FAM83A: variants seen among roughly 807,000 people sequenced by gnomAD.
FAM83A encodes scaffolding CK1 anchoring protein A.
In FAM83A, 21 loss-of-function variants were observed where a neutral mutation model predicts 24.4. The observed-to-expected ratio is 0.86, with a 90% CI of 0.61 to 1.24. The LOEUF (loss-of-function observed/expected upper bound fraction) is 1.24, where lower values mean the gene tolerates loss of function less well. Ranked by LOEUF, FAM83A falls within the 50% of genes most tolerant of loss-of-function variation. The probability of loss-of-function intolerance (pLI) is 0.00; values close to 1 mark genes in which losing one functional copy is unlikely to be tolerated. For synonymous variants in FAM83A, 270 were observed against 252.4 expected, an observed-to-expected ratio of 1.07 and a Z score of -0.66; for missense variants, 617 against 579.8, an observed-to-expected ratio of 1.06 and a Z score of -0.66.
chr8:123,208,657 G>A, exon 4 of FAM83A: 1 of 985,508 alleles, frequency 1.0e-6, no homozygotes, highest in African/African-American at 1.7e-5. Flanking sequence ...TAGGTCCTGA[G>A]GGCACAGCCT....
rs78820205 is a variant in FAM83A at position 123,192,288 on chromosome 8, G to T, written c.648+318G>T. 7.7e-4 allele frequency among the ~76,000 whole-genome samples: 117 copies of T among 152,218 alleles called. No homozygotes were observed. The East Asian group carries it at 0.02, about 27-fold the overall frequency. Reference sequence around the variant, plus strand: ...ACTCATTGACCTTACCCAGATGCACGGATGCTGGGAAATGTAAAGGGTCAT... The same window carrying T: ...ACTCATTGACCTTACCCAGATGCACTGATGCTGGGAAATGTAAAGGGTCAT... On this transcript the variant is annotated intron_variant, in intron 2 of 3. Coordinates refer to ENST00000690554, the Ensembl canonical transcript of FAM83A.
At chr8:123,207,288 C>A (rs1340489465) in exon 4 of FAM83A, 2 of 1,612,312 alleles carry the variant, frequency 1.2e-6, no homozygotes, top group African/African-American at 1.3e-5. Context: ...CTGAAGTCCC[C>A]GCGGCTGGTC....
intron 3 of FAM83A, among the ~76,000 whole-genome samples, chr8:123,194,572 C>T (rs1269179345): frequency 6.6e-6 from 1 of 151,914 alleles, no homozygotes; most frequent in Non-Finnish European, 1.5e-5. Flanking sequence ...CAACCTCCGC[C>T]TCCAGGATTC....
chr8:123,207,095 CCACTT>C, intron 3 of FAM83A, 57 bp from the exon 4 acceptor site: 1 of 529,418 alleles, frequency 1.9e-6, no homozygotes, highest in South Asian at 3.8e-5. Flanking sequence ...CCCTCCTCCT[CCACTT>C]CCCCTCCCCA....
At chr8:123,188,516 C>G (rs1344199666) in intron 1 of FAM83A, among the ~76,000 whole-genome samples, 1 of 150,980 alleles carries the variant, frequency 6.6e-6, no homozygotes, top group Non-Finnish European at 1.5e-5. Flanking sequence ...CAGGGTCTTG[C>G]TCTGTCACCC....
rs74938406 is a variant in FAM83A at position 123,207,675 on chromosome 8, C to T, written c.1292C>T (p.Ser431Phe). Residue 431 changes from serine to phenylalanine, a missense_variant, in exon 4 of 4, where the codon TCC becomes TTC. By Grantham distance (155) the Ser-to-Phe change is radical. Transcript: ENST00000690554. ...ACCTGGAGGCCCTTCCTGCAGGCCT[C>T]CCCTCACTTCTGAAGGTCCCATCCC... 2.0e-3 allele frequency: 2,937 copies of T among 1,505,350 alleles called. 53 individuals are homozygous for T. The African/African-American group carries it at 0.037, about 19-fold the overall frequency. 93.2% of individuals were successfully genotyped at this position (1,505,350 alleles called of 1,614,324 possible).
intron 3 of FAM83A, among the ~76,000 whole-genome samples, chr8:123,196,704 A>T (rs948986573): frequency 6.6e-6 from 1 of 152,182 alleles, no homozygotes; most frequent in Non-Finnish European, 1.5e-5. Context: ...AAGTTCGTCA[A>T]GGCTATTTCA....
At chr8:123,185,946 G>A (rs1486036646) in intron 1 of FAM83A, among the ~76,000 whole-genome samples, 3 of 151,836 alleles carry the variant, frequency 2.0e-5, no homozygotes, top group East Asian at 1.9e-4. Context: ...ACCTGCCACC[G>A]CACCAGGCTA....
chr8:123,192,103 A>C, intron 2 of FAM83A, 133 bp downstream of exon 2: 2 of 988,146 alleles, frequency 2.0e-6, no homozygotes, highest in East Asian at 2.6e-5. Flanking sequence ...GCTCAAACAA[A>C]CTCCTATGTA....
rs111637523 is a variant in FAM83A at position 123,209,757 on chromosome 8, G to A, written c.*2069G>A. 1.9e-3 allele frequency: 1,136 copies of A among 587,834 alleles called. 12 individuals are homozygous for A. The highest frequency in any genetic ancestry group is 0.018 in the African/African-American group (994 of 53,880). The allele number at this position is 587,834 out of a possible 1,614,324, so 36.4% of individuals were successfully genotyped here. ...TACTCCTGACCACCCTCCATCAGCA[G>A]TCTCCCCTCCGTGGTCGTCTTTGTT... is the stretch of plus-strand genomic sequence containing the variant. On this transcript the variant is annotated 3_prime_UTR_variant, in exon 4 of 4. Transcript: ENST00000690554. The surrounding 1 kb of genome is among the most constrained non-coding windows in gnomAD (Gnocchi z 4.7).
chr8:123,203,752 G>A (rs1824445950), intron 3 of FAM83A, among the ~76,000 whole-genome samples: 1 of 151,848 alleles, frequency 6.6e-6, no homozygotes, highest in South Asian at 2.1e-4. Context: ...GCAGAAAAGT[G>A]GGTGGGAGAC....
At chr8:123,185,731 G>A (rs1823769319) in intron 1 of FAM83A, among the ~76,000 whole-genome samples, 1 of 152,250 alleles carries the variant, frequency 6.6e-6, no homozygotes, top group Middle Eastern at 3.4e-3. Context: ...TAATTAATTG[G>A]TTATAATTAT....
chr8:123,179,155 A>T (rs1269811180), upstream of FAM83A: 1 of 152,180 alleles, frequency 6.6e-6, no homozygotes, highest in Non-Finnish European at 1.5e-5. Flanking sequence ...CTTCTCTTTG[A>T]TCACTGCTAT....
rs1297090775 is a variant in FAM83A, at chr8:123,209,064, C to T, written c.*1376C>T. ...CTTCCCAGATAAAGTAAGAGTTAAC[C>T]CTGCACCTCAGGTGTGATAGTGGGG... On this transcript the variant is annotated 3_prime_UTR_variant, in exon 4 of 4. Transcript: ENST00000690554. The surrounding 1 kb of genome is among the most constrained non-coding windows in gnomAD (Gnocchi z 4.7). The T allele has an allele frequency of 2.0e-6, 2 of 1,000,244 alleles. No homozygotes were observed. The highest frequency in any genetic ancestry group is 2.4e-6 in the Non-Finnish European group (2 of 839,974). 62.0% of individuals were successfully genotyped at this position (1,000,244 alleles called of 1,614,324 possible).
At position 123,209,436 on chromosome 8, in the gene FAM83A, TAAACA is replaced by T. The variant is rs762930805; in HGVS notation, c.*1762_*1766del. 5.0e-6 allele frequency: 8 copies of T among 1,613,678 alleles called. No individual in the cohort carries two copies. The highest frequency in any genetic ancestry group is 1.6e-4 in the Middle Eastern group (1 of 6,082). On this transcript the variant is annotated 3_prime_UTR_variant, in exon 4 of 4. Coordinates refer to ENST00000690554, the Ensembl canonical transcript of FAM83A. This position sits in a 1 kb window ranked among gnomAD's most constrained non-coding sequence, Gnocchi z 4.7. ...TTTTTTCCTCCTTAGTTCCTGAAAG[TAAACA>T]AAACAAAACAAAAACAAAAAAACAA...
rs765141513 is a variant in FAM83A, at chr8:123,182,973, G to A, written c.117G>A (p.Thr39=). Residue 39 remains threonine, a synonymous_variant, in exon 1 of 4, where the codon ACG becomes ACA. Coordinates refer to ENST00000690554, the Ensembl canonical transcript of FAM83A. ...ACAACGAGAGTGCCCGGCTGGCCAC[G>A]GACGCCCTCTTGGATGGGGGTTCTG... 6.2e-6 allele frequency: 10 copies of A among 1,610,840 alleles called. No homozygotes were observed. In the Admixed American group the frequency reaches 1.0e-4, roughly 16 times the overall value.
chr8:123,189,662 T>A (rs1823908932), intron 1 of FAM83A, among the ~76,000 whole-genome samples: 2 of 152,212 alleles, frequency 1.3e-5, no homozygotes, highest in African/African-American at 4.8e-5. Flanking sequence ...GTTTTTGTCT[T>A]ACTTATCTGT....
At position 123,191,763 on chromosome 8, in the gene FAM83A, C is replaced by T. The variant is rs201430634; in HGVS notation, c.481-40C>T. ...TGGGTGAAACCAGTTAGCACCTGCC[C>T]CTGACCTTTCTGGTAACTGAGCACT... On this transcript the variant is annotated intron_variant, in intron 1 of 3. Coordinates refer to ENST00000690554, the Ensembl canonical transcript of FAM83A. 2.4e-4 allele frequency: 384 copies of T among 1,607,516 alleles called. 1 individual carries two copies. In the African/African-American group the frequency reaches 4.7e-3, roughly 20 times the overall value.
intron 3 of FAM83A, among the ~76,000 whole-genome samples, chr8:123,200,189 T>TCA (rs10661692): frequency 0.24 from 36,471 of 151,964 alleles, 4,579 homozygotes; most frequent in African/African-American, 0.31. Flanking sequence ...GAACAAAACC[T>TCA]CTCTTTCATA....
Sources: gnomAD v4.1 joint callset for allele counts (sites outside exome capture counted in the v4.1 genomes callset) on GRCh38, gnomAD v4.1.1 for gene constraint, Gnocchi (gnomAD v3.1) non-coding constraint, MANE v1.5 for transcripts, NCBI Gene and HGNC (gene_info 2026-07-23, HGNC 2026-07-21) for gene names.